Variants in OPCML observed in about 807,000 individuals in gnomAD.
The protein encoded by OPCML is opioid binding protein/cell adhesion molecule like.
OPCML carries 13 observed loss-of-function variants against 37.8 expected under a neutral mutation model. The ratio of observed to expected loss-of-function variants is 0.34; its 90% CI spans 0.22 to 0.55. The LOEUF (loss-of-function observed/expected upper bound fraction) is 0.55, where lower values mean the gene tolerates loss of function less well. Among genes scored for constraint, OPCML ranks in the 20% least tolerant of loss-of-function variants. The pLI, the probability that OPCML is intolerant of heterozygous loss-of-function variation, is 0.91. For missense variants in OPCML, 341 were observed against 435.6 expected (o/e 0.78, Z 1.93); for synonymous variants, 176 against 168.8 (o/e 1.04, Z -0.33).
chr11:132,992,975 GGGA>G (rs1946809137), intron 1 of OPCML, among the ~76,000 whole-genome samples: 1 of 152,134 alleles, frequency 6.6e-6, no homozygotes. Flanking sequence ...CTCCGTGTAT[GGGA>G]GGAGGGCTAG....
chr11:132,626,425 T>C (rs10894591), intron 3 of OPCML, among the ~76,000 whole-genome samples: 44,796 of 151,834 alleles, frequency 0.3, 7,768 homozygotes, highest in Non-Finnish European at 0.4. Context: ...AATGCAAAGA[T>C]AGGGAATTTG....
intron 2 of OPCML, among the ~76,000 whole-genome samples, chr11:132,750,477 A>G (rs1258823187): frequency 3.3e-5 from 5 of 152,146 alleles, no homozygotes; most frequent in Non-Finnish European, 7.4e-5. Flanking sequence ...GGAAGGAAAC[A>G]TACTTGTCTT....
intron 2 of OPCML, among the ~76,000 whole-genome samples, chr11:132,876,190 G>T (rs74505008): frequency 6.6e-6 from 1 of 152,162 alleles, no homozygotes. Context: ...GTCGGGAATC[G>T]ATAGTTCTTG....
At chr11:132,821,362 C>T (rs1939975461) in intron 2 of OPCML, among the ~76,000 whole-genome samples, 1 of 152,156 alleles carries the variant, frequency 6.6e-6, no homozygotes, top group African/African-American at 2.4e-5. Context: ...GGATGTCAGC[C>T]CTATCCATGC....
chr11:132,761,987 G>A (rs1337045192), intron 2 of OPCML, among the ~76,000 whole-genome samples: 1 of 152,132 alleles, frequency 6.6e-6, no homozygotes, highest in Admixed American at 6.5e-5. Flanking sequence ...CTTTGGATGG[G>A]TTTTTGCGTG....
intron 2 of OPCML, among the ~76,000 whole-genome samples, chr11:132,701,762 T>TTGTGTGTGTG (rs34453558): frequency 7.0e-6 from 1 of 142,718 alleles, no homozygotes; most frequent in Non-Finnish European, 1.5e-5. Context: ...AATTTGATGA[T>TTGTGTGTGTG]TGTGTGTGTG....
intron 3 of OPCML, among the ~76,000 whole-genome samples, chr11:132,571,625 C>T (rs994408556): frequency 6.6e-6 from 1 of 152,188 alleles, no homozygotes; most frequent in Non-Finnish European, 1.5e-5. Context: ...ACTCTGAGTA[C>T]TATTCTATCA....
intron 1 of OPCML, among the ~76,000 whole-genome samples, chr11:133,348,164 T>C (rs2136685508): frequency 6.6e-6 from 1 of 152,346 alleles, no homozygotes; most frequent in East Asian, 1.9e-4. Flanking sequence ...GTCTCTGTTA[T>C]GAAATGTGTG....
chr11:132,746,039 G>A (rs996127370), intron 2 of OPCML, among the ~76,000 whole-genome samples: 1 of 152,100 alleles, frequency 6.6e-6, no homozygotes, highest in Admixed American at 6.5e-5. Flanking sequence ...GCTCTGAGCA[G>A]CTGTGGAGGC....
intron 1 of OPCML, among the ~76,000 whole-genome samples, chr11:133,181,336 C>G (rs34845256): frequency 0.15 from 20,008 of 134,272 alleles, 1,566 homozygotes; most frequent in Middle Eastern, 0.24. Context: ...TGATTTTCTA[C>G]TAGAGTTTGA....
intron 2 of OPCML, among the ~76,000 whole-genome samples, chr11:132,710,617 C>A (rs1244584685): frequency 6.6e-6 from 1 of 151,708 alleles, no homozygotes; most frequent in African/African-American, 2.4e-5. Flanking sequence ...CTTTGGGAGG[C>A]CAAGGCAGGT....
intron 1 of OPCML, among the ~76,000 whole-genome samples, chr11:132,996,629 AAAAAAAAT>A (rs1258205214): frequency 6.6e-6 from 1 of 151,710 alleles, no homozygotes; most frequent in Non-Finnish European, 1.5e-5. Context: ...AAAAAAAAAA[AAAAAAAAT>A]ACTTGACTCA....
At chr11:132,918,061 G>T (rs1198437408) in intron 2 of OPCML, among the ~76,000 whole-genome samples, 1 of 152,116 alleles carries the variant, frequency 6.6e-6, no homozygotes, top group African/African-American at 2.4e-5. Flanking sequence ...CTATGTCACT[G>T]GTGTTGGAAA....
chr11:132,580,557 A>G (rs1054828282), intron 3 of OPCML, among the ~76,000 whole-genome samples: 2 of 152,212 alleles, frequency 1.3e-5, no homozygotes, highest in Non-Finnish European at 2.9e-5. Flanking sequence ...TATATTTTTA[A>G]TAAACCAGAG....
chr11:133,393,563 C>T (rs1229390536), intron 1 of OPCML, among the ~76,000 whole-genome samples: 1 of 152,154 alleles, frequency 6.6e-6, no homozygotes, highest in Non-Finnish European at 1.5e-5. Flanking sequence ...GTATCTACCT[C>T]ATCAATTTGT....
At chr11:133,365,303 A>G (rs1944515157) in intron 1 of OPCML, 1 of 152,674 alleles carries the variant, frequency 6.5e-6, no homozygotes, top group South Asian at 2.0e-4. Flanking sequence ...TAAACAGCGA[A>G]CTTACATTTC....
chr11:132,516,665 G>A (rs1016969151), intron 4 of OPCML, among the ~76,000 whole-genome samples: 9 of 151,332 alleles, frequency 5.9e-5, no homozygotes, highest in South Asian at 4.2e-4. Context: ...CAAACTAATT[G>A]CTCTTCATAA....
At chr11:133,094,154 G>A (rs1948960949) in intron 1 of OPCML, among the ~76,000 whole-genome samples, 1 of 152,150 alleles carries the variant, frequency 6.6e-6, no homozygotes, top group African/African-American at 2.4e-5. Context: ...CCTGTACTGA[G>A]TGATGCGAGA....
At chr11:133,475,046 C>A (rs561406318) in intron 1 of OPCML, among the ~76,000 whole-genome samples, 2 of 152,142 alleles carry the variant, frequency 1.3e-5, no homozygotes, top group African/African-American at 2.4e-5. Context: ...ACCTTTACCC[C>A]CTAGGCCTGA....
Sources: allele counts gnomAD v4.1 joint callset (sites outside exome capture counted in the v4.1 genomes callset), GRCh38; gene constraint gnomAD v4.1.1; transcripts MANE v1.5; gene names NCBI Gene and HGNC (gene_info 2026-07-23, HGNC 2026-07-21).